NDUFA10: variants seen among roughly 807,000 people sequenced by gnomAD.
The protein encoded by NDUFA10 is NADH:ubiquinone oxidoreductase subunit A10.
In NDUFA10, 40 loss-of-function variants were observed where a neutral mutation model predicts 47.8. The ratio of observed to expected loss-of-function variants is 0.84; its 90% CI spans 0.65 to 1.09. NDUFA10 has a LOEUF of 1.09. NDUFA10 is among the 50% of genes least tolerant of loss of function. NDUFA10 has a pLI of 0.00. For missense variants in NDUFA10, 413 were observed against 451.1 expected, an observed-to-expected ratio of 0.92 and a Z score of 0.76; for synonymous variants, 183 against 172.2, an observed-to-expected ratio of 1.06 and a Z score of -0.49.
chr2:239,915,661 T>C (rs1693853716), intron 4 of NDUFA10, among the ~76,000 whole-genome samples: 1 of 125,704 alleles, frequency 8.0e-6, no homozygotes, highest in Non-Finnish European at 1.6e-5. Flanking sequence ...CACACAGAGA[T>C]GCACACACAA....
intron 3 of NDUFA10, 112 bp downstream of exon 3, chr2:240,021,085 A>T: frequency 1.2e-6 from 1 of 837,984 alleles, no homozygotes; most frequent in Non-Finnish European, 2.0e-6. Flanking sequence ...GACAGAACTC[A>T]CCTCATCAAA....
intron 4 of NDUFA10, among the ~76,000 whole-genome samples, chr2:239,908,698 C>T (rs1341385327): frequency 1.3e-5 from 2 of 152,250 alleles, no homozygotes; most frequent in African/African-American, 4.8e-5. Context: ...ACAGAGATCA[C>T]TCCCTTATTC....
At chr2:239,938,590 T>C (rs1356774188) in intron 4 of NDUFA10, among the ~76,000 whole-genome samples, 1 of 152,152 alleles carries the variant, frequency 6.6e-6, no homozygotes, top group Non-Finnish European at 1.5e-5. Context: ...TGGGGTCTGC[T>C]CCCGGGCAGC....
intron 4 of NDUFA10, among the ~76,000 whole-genome samples, chr2:239,932,290 T>C (rs1444610293): frequency 1.3e-5 from 2 of 152,234 alleles, no homozygotes; most frequent in South Asian, 2.1e-4. Context: ...GAAACCCTTA[T>C]TTTGACACTT....
At chr2:239,963,548 C>T (rs529453277) in intron 9 of NDUFA10, among the ~76,000 whole-genome samples, 12 of 152,130 alleles carry the variant, frequency 7.9e-5, no homozygotes, top group Admixed American at 5.2e-4. Flanking sequence ...AAGGGCCTGA[C>T]GGGGTCAGGA....
chr2:239,979,945 G>A (rs1007504473), intron 9 of NDUFA10, among the ~76,000 whole-genome samples: 4 of 151,976 alleles, frequency 2.6e-5, no homozygotes, highest in African/African-American at 7.3e-5. Flanking sequence ...ATGTCCACCT[G>A]TTCCTGCCTT....
chr2:239,933,787 G>A (rs1222924362), intron 4 of NDUFA10, among the ~76,000 whole-genome samples: 1 of 152,154 alleles, frequency 6.6e-6, no homozygotes, highest in African/African-American at 2.4e-5. Flanking sequence ...AAAATTACAG[G>A]GAAGAGAGAT....
At chr2:239,893,270 C>T (rs1039295708) in intron 5 of NDUFA10, among the ~76,000 whole-genome samples, 1 of 152,064 alleles carries the variant, frequency 6.6e-6, no homozygotes, top group Non-Finnish European at 1.5e-5. Context: ...CACAGAGGAC[C>T]GGAAGTATGT....
intron 4 of NDUFA10, among the ~76,000 whole-genome samples, chr2:239,932,874 C>G (rs1312685542): frequency 6.6e-6 from 1 of 152,228 alleles, no homozygotes; most frequent in Non-Finnish European, 1.5e-5. Context: ...AGCCACCGCG[C>G]CTGGCCTCTG....
At chr2:239,918,756 C>T (rs936478655) in intron 4 of NDUFA10, among the ~76,000 whole-genome samples, 5 of 152,192 alleles carry the variant, frequency 3.3e-5, no homozygotes, top group African/African-American at 4.8e-5. Flanking sequence ...ATTGGGACCA[C>T]GCATGGTGAC....
In NDUFA10 at chr2:240,017,929, CAG is replaced by C. The variant is rs1697431961; in HGVS notation, c.547+622_547+623del. ...GTCTACAGATGAAAATGCCGTCAGT[CAG>C]ACTGTCCACCAGGCCTATTCAACCC... On this transcript the variant is annotated intron_variant, in intron 4 of 9. Coordinates refer to ENST00000252711, the MANE Select transcript of NDUFA10 (RefSeq NM_004544.4). The C allele has an allele frequency of 3.9e-6, 6 of 1,543,360 alleles. No homozygotes were observed. In the African/African-American group the frequency reaches 5.5e-5, roughly 14 times the overall value.
At chr2:239,965,462 A>G (rs1018720299) in intron 9 of NDUFA10, among the ~76,000 whole-genome samples, 1 of 152,316 alleles carries the variant, frequency 6.6e-6, no homozygotes, top group Admixed American at 6.5e-5. Context: ...AACGCGCATG[A>G]TAACGCCTCA....
intron 1 of NDUFA10, among the ~76,000 whole-genome samples, chr2:240,024,742 G>T (rs144070064): frequency 1.3e-5 from 2 of 152,320 alleles, no homozygotes; most frequent in South Asian, 4.1e-4. Context: ...ACTGAAGAAG[G>T]TGGGGGCAAA....
At chr2:240,005,681 T>C (rs1240066610) in intron 7 of NDUFA10, among the ~76,000 whole-genome samples, 1 of 151,528 alleles carries the variant, frequency 6.6e-6, no homozygotes, top group Non-Finnish European at 1.5e-5. Flanking sequence ...TAATACATTA[T>C]AAGCTATGAA....
At chr2:239,912,275 G>T (rs1693768637) in intron 4 of NDUFA10, among the ~76,000 whole-genome samples, 1 of 152,154 alleles carries the variant, frequency 6.6e-6, no homozygotes, top group African/African-American at 2.4e-5. Context: ...CAGGATTCTG[G>T]CTAGGCTCCC....
At chr2:239,984,205 C>G (rs1695907748) in intron 9 of NDUFA10, among the ~76,000 whole-genome samples, 1 of 151,032 alleles carries the variant, frequency 6.6e-6, no homozygotes, top group Non-Finnish European at 1.5e-5. Flanking sequence ...TGCACTCCAG[C>G]CTGGGCGATA....
At chr2:239,966,600 CCA>C (rs1044513509) in intron 9 of NDUFA10, among the ~76,000 whole-genome samples, 1 of 152,140 alleles carries the variant, frequency 6.6e-6, no homozygotes, top group African/African-American at 2.4e-5. Flanking sequence ...GTGATTTCCC[CCA>C]AATATCTGTG....
In NDUFA10 at chr2:239,987,459, G is replaced by A. The variant is rs188238617; in HGVS notation, c.999+2615C>T. Among the ~76,000 whole-genome samples the A allele has an allele frequency of 9.9e-5, 15 of 151,296 alleles. No individual in the cohort carries two copies. Among genetic ancestry groups the A allele is most frequent in the Admixed American group, 5.9e-4 (9 of 15,202 alleles). On this transcript the variant is annotated intron_variant, in intron 9 of 9. Coordinates refer to ENST00000252711, the MANE Select transcript of NDUFA10 (RefSeq NM_004544.4). The surrounding 1 kb of genome is among the most constrained non-coding windows in gnomAD (Gnocchi z 4.8). ...TGATCCTGACACCGAGACCACACTC[G>A]GCGAACCATCACATTCAAGAGTTTG...
chr2:239,916,347 CACAG>C (rs777838234), intron 4 of NDUFA10, among the ~76,000 whole-genome samples: 1 of 151,612 alleles, frequency 6.6e-6, no homozygotes, highest in Admixed American at 6.6e-5. Flanking sequence ...ACAGAACACA[CACAG>C]ACACACATAC....
Sources: allele counts gnomAD v4.1 joint callset (sites outside exome capture counted in the v4.1 genomes callset), GRCh38; gene constraint gnomAD v4.1.1; non-coding constraint Gnocchi (gnomAD v3.1); transcripts MANE v1.5; gene names NCBI Gene and HGNC (gene_info 2026-07-23, HGNC 2026-07-21).